The following BUD31 variants were observed in gnomAD, a reference collection of about 807,000 sequenced individuals.
The protein encoded by BUD31 is BUD31 spliceosome associated protein, also known as protein BUD31 homolog.
A neutral mutation model predicts 17.9 loss-of-function variants in BUD31; 9 were observed. That is an observed-to-expected ratio of 0.50 (90% CI 0.30 to 0.88). The LOEUF (loss-of-function observed/expected upper bound fraction) is 0.88, where lower values mean the gene tolerates loss of function less well. BUD31 is among the 40% of genes least tolerant of loss of function. BUD31 has a pLI of 0.06. For missense variants in BUD31, 148 were observed against 184.5 expected, an observed-to-expected ratio of 0.80 and a Z score of 1.15; for synonymous variants, 70 against 64.7, an observed-to-expected ratio of 1.08 and a Z score of -0.39.
At chr7:99,415,664 G>A (rs935097450) in intron 3 of BUD31, among the ~76,000 whole-genome samples, 7 of 152,228 alleles carry the variant, frequency 4.6e-5, no homozygotes, top group Middle Eastern at 6.8e-3. Flanking sequence ...ACCAAGGTCC[G>A]CTTGGCAACG....
chr7:99,415,115 G>A, intron 3 of BUD31: 1 of 432,222 alleles, frequency 2.3e-6, no homozygotes, highest in Non-Finnish European at 4.6e-6. Context: ...TAGAAATAAA[G>A]ACACAAGACA....
chr7:99,412,866 CCG>C (rs1429450029), intron 3 of BUD31, among the ~76,000 whole-genome samples: 1 of 151,882 alleles, frequency 6.6e-6, no homozygotes, highest in Non-Finnish European at 1.5e-5. Context: ...TGTGATCCAC[CCG>C]CCTCAGGCTC....
rs551376320 is a variant in BUD31, at chr7:99,416,294, C to T, written c.217+34C>T. ...TCAGTCTCTCTTGGACTTTGAAGCT[C>T]GCGTCACTTTTGGAGTTACTGAACT... On this transcript the variant is annotated intron_variant, in intron 4 of 5. Coordinates refer to ENST00000222969, the MANE Select transcript of BUD31 (RefSeq NM_003910.4). 6.4e-5 allele frequency: 103 copies of T among 1,599,140 alleles called. No individual in the cohort carries two copies. The South Asian group carries it at 1.0e-3, about 16-fold the overall frequency.
chr7:99,417,693 C>T (rs772760455), intron 5 of BUD31, 98 bp downstream of exon 5: 91 of 1,555,262 alleles, frequency 5.9e-5, no homozygotes, highest in Non-Finnish European at 7.6e-5. Context: ...GCTGGAATGT[C>T]GTTTTGTCCC....
At chr7:99,416,076 A>C in intron 3 of BUD31, 62 bp from the exon 4 acceptor site, 2 of 1,588,136 alleles carry the variant, frequency 1.3e-6, no homozygotes, top group Non-Finnish European at 1.7e-6. Flanking sequence ...AGTTACTTAC[A>C]AAAAGAAAAT....
chr7:99,419,450 C>T lies in BUD31; in HGVS notation c.*9C>T, dbSNP rs374334634. The T allele has an allele frequency of 6.3e-5, 101 of 1,610,420 alleles. No homozygotes were observed. Among genetic ancestry groups the T allele is most frequent in the East Asian group, 2.2e-4 (10 of 44,894 alleles). ...GTGGCTGCTCTGGCTGAGGCTGGCG[C>T]GCTCCACCCTGGACTCTGGACTTCG... On this transcript the variant is annotated 3_prime_UTR_variant, in exon 6 of 6. Transcript: ENST00000222969.
rs772927771 is a variant in BUD31, at chr7:99,419,385, T to C, written c.385-6T>C. 6.2e-7 allele frequency: 1 copy of C among 1,613,042 alleles called. No individual in the cohort carries two copies. Among genetic ancestry groups the C allele is most frequent in the Non-Finnish European group, 8.5e-7 (1 of 1,179,972 alleles). ...GGCATCGTCTCACTGTCCTCCTCCG[T>C]TGCAGGGCCGCATCATCGAGTGCAC... is the stretch of plus-strand genomic sequence containing the variant. On this transcript the variant is annotated splice_polypyrimidine_tract_variant and splice_region_variant and intron_variant, in intron 5 of 5. Coordinates refer to ENST00000222969, the MANE Select transcript of BUD31 (RefSeq NM_003910.4).
In BUD31 at chr7:99,411,170, TC is replaced by T. The variant is rs1379805812; in HGVS notation, c.79del (p.Gln27LysfsTer3). On this transcript the variant is annotated frameshift_variant, in exon 3 of 6. Transcript: ENST00000222969. LOFTEE classifies it high-confidence loss of function. ...TTGAGCCAACACTGGATGAATTAGA[TC>T]AAAAGATGAGAGAAGGTGAGTAGGG... ...LIEPTLDELD[Q>X]KMREAETEPH... 1 of 1,613,724 alleles carries T rather than the reference TC, an allele frequency of 6.2e-7. No individual in the cohort carries two copies. The highest frequency in any genetic ancestry group is 8.5e-7 in the Non-Finnish European group (1 of 1,179,918).
Position 99,410,950 on chromosome 7 carries a change from T to A in BUD31, c.-29-114T>A, listed in dbSNP as rs955612364. The stretch of plus-strand genomic sequence containing the variant: ...AACACAGTCTGGGTGCTGAGCCCTG[T>A]CCCATAGCTGTGACCCTATGCTGAC... On this transcript the variant is annotated intron_variant, in intron 2 of 5. Coordinates refer to ENST00000222969, the MANE Select transcript of BUD31 (RefSeq NM_003910.4). 1.4e-5 allele frequency: 9 copies of A among 660,542 alleles called. No individual in the cohort carries two copies. In the African/African-American group the frequency reaches 1.6e-4, roughly 12 times the overall value. The allele number at this position is 660,542 out of a possible 1,614,324, so 40.9% of individuals were successfully genotyped here. A position where few individuals can be genotyped will look rare whatever the true frequency, so the allele number is the denominator to read the frequency against.
At chr7:99,413,926 G>C (rs1471205094) in intron 3 of BUD31, among the ~76,000 whole-genome samples, 3 of 152,136 alleles carry the variant, frequency 2.0e-5, no homozygotes, top group Non-Finnish European at 4.4e-5. Context: ...ACCATTAAAT[G>C]TCTTTAAAAA....
chr7:99,419,541 G>A lies in BUD31; in HGVS notation c.*100G>A. ...CGAGCAGTGCCCCAGGCCCGAGTTG[G>A]AGCACGGTCTCTATGGGGAAGGCTT... On this transcript the variant is annotated 3_prime_UTR_variant, in exon 6 of 6. Coordinates refer to ENST00000222969, the MANE Select transcript of BUD31 (RefSeq NM_003910.4). 1 of 1,384,702 alleles carries A rather than the reference G, an allele frequency of 7.2e-7. No individual in the cohort carries two copies. Among genetic ancestry groups the A allele is most frequent in the Non-Finnish European group, 1.0e-6 (1 of 985,670 alleles). The allele number at this position is 1,384,702 out of a possible 1,614,324, so 85.8% of individuals were successfully genotyped here.
At chr7:99,415,525 C>T (rs1795383250) in intron 3 of BUD31, among the ~76,000 whole-genome samples, 1 of 152,124 alleles carries the variant, frequency 6.6e-6, no homozygotes, top group Non-Finnish European at 1.5e-5. Context: ...GCGGGCCTGA[C>T]TGATGTCAGG....
At chr7:99,418,066 C>G in intron 5 of BUD31, 2 of 943,812 alleles carry the variant, frequency 2.1e-6, no homozygotes, top group Non-Finnish European at 2.6e-6. Context: ...CTCCCGGGTT[C>G]AAGCGGTTCT....
At chr7:99,415,220 CA>C (rs1795358134) in intron 3 of BUD31, 1 of 455,058 alleles carries the variant, frequency 2.2e-6, no homozygotes, top group Non-Finnish European at 4.4e-6. Flanking sequence ...TTATTGGATA[CA>C]AGACAAAGGG....
At chr7:99,416,851 G>GCT (rs1189789285) in intron 4 of BUD31, 2 of 159,970 alleles carry the variant, frequency 1.3e-5, no homozygotes, top group Non-Finnish European at 2.7e-5. Context: ...CTCCTGAGTA[G>GCT]CTGTGACTAC....
intron 4 of BUD31, chr7:99,417,145 C>G (rs1166522984): frequency 2.8e-6 from 1 of 352,928 alleles, no homozygotes; most frequent in Non-Finnish European, 5.4e-6. Flanking sequence ...CAACCTCCGC[C>G]TCCTGGGTTC....
intron 4 of BUD31, chr7:99,416,808 C>T (rs1795502059): frequency 6.5e-6 from 1 of 154,382 alleles, no homozygotes; most frequent in Non-Finnish European, 1.4e-5. Context: ...GCAGCCTCAA[C>T]CTTCTGGGCT....
intron 3 of BUD31, among the ~76,000 whole-genome samples, chr7:99,412,948 G>T (rs931935198): frequency 6.6e-6 from 1 of 152,006 alleles, no homozygotes; most frequent in East Asian, 1.9e-4. Flanking sequence ...TTGTAGAGAT[G>T]GGGGTGTGTT....
In BUD31 at chr7:99,417,499, A is replaced by C. The variant is rs1389650299; in HGVS notation, c.288A>C (p.Gly96=). Residue 96 remains glycine, a synonymous_variant, in exon 5 of 6, where the codon GGA becomes GGC. Transcript: ENST00000222969. The part of the protein sequence containing the change: ...KNLIAKWKKQ[G]YENLCCLRCI... ...TGATTGCAAAATGGAAAAAGCAAGG[A>C]TATGAGAACTTGTGCTGCCTGCGGT... 2 of 1,611,740 alleles carry C rather than the reference A, an allele frequency of 1.2e-6. No individual in the cohort carries two copies. Among genetic ancestry groups the C allele is most frequent in the Non-Finnish European group, 1.7e-6 (2 of 1,178,532 alleles).
Sources: allele counts gnomAD v4.1 joint callset (sites outside exome capture counted in the v4.1 genomes callset), GRCh38; gene constraint gnomAD v4.1.1; transcripts MANE v1.5; gene names NCBI Gene and HGNC (gene_info 2026-07-23, HGNC 2026-07-21).